Variants in TATDN1 observed in about 807,000 individuals in gnomAD.
TATDN1 encodes deoxyribonuclease TATDN1.
A neutral mutation model predicts 46.4 loss-of-function variants in TATDN1; 40 were observed. The observed-to-expected ratio is 0.86, with a 90% CI of 0.67 to 1.12. TATDN1 has a LOEUF of 1.12. Among genes scored for constraint, TATDN1 ranks in the 50% most tolerant of loss-of-function variants. The probability of loss-of-function intolerance (pLI) is 0.00; values close to 1 mark genes in which losing one functional copy is unlikely to be tolerated. For synonymous variants in TATDN1, 95 were observed against 105.6 expected, an observed-to-expected ratio of 0.90 and a Z score of 0.62; for missense variants, 326 against 348.4, an observed-to-expected ratio of 0.94 and a Z score of 0.51.
chr8:124,532,307 A>G (rs926331243), intron 1 of TATDN1, among the ~76,000 whole-genome samples: 1 of 152,200 alleles, frequency 6.6e-6, no homozygotes, highest in East Asian at 1.9e-4. Flanking sequence ...TTTCTGAGAC[A>G]GAGTCTCACT....
At chr8:124,513,394 TCA>T (rs569613086) in intron 6 of TATDN1, among the ~76,000 whole-genome samples, 195 of 152,354 alleles carry the variant, frequency 1.3e-3, no homozygotes, top group African/African-American at 4.5e-3. Flanking sequence ...CCTCTGCTGT[TCA>T]CATACTTTAG....
intron 10 of TATDN1, 167 bp from the exon 11 acceptor site, chr8:124,494,126 G>A (rs1441574729): frequency 3.5e-6 from 2 of 575,930 alleles, no homozygotes; most frequent in Non-Finnish European, 2.8e-6. Flanking sequence ...ATAAAATCTT[G>A]AATTGCATCT....
intron 4 of TATDN1, among the ~76,000 whole-genome samples, chr8:124,517,409 T>C (rs913500386): frequency 9.0e-5 from 12 of 132,962 alleles, no homozygotes; most frequent in African/African-American, 1.4e-4. Flanking sequence ...GCCTGGGTGA[T>C]AGAACAAGAC....
At chr8:124,493,765 G>C (rs151038199) in intron 11 of TATDN1, 68 bp downstream of exon 11, 1 of 1,520,882 alleles carries the variant, frequency 6.6e-7, no homozygotes, top group African/African-American at 1.4e-5. Context: ...TGTCCCTTGC[G>C]TTAATTTTAT....
At chr8:124,513,210 G>T (rs1819182698) in intron 6 of TATDN1, among the ~76,000 whole-genome samples, 1 of 152,084 alleles carries the variant, frequency 6.6e-6, no homozygotes. Context: ...ACCGCACCCG[G>T]CTGTTTTTTT....
chr8:124,527,321 A>C (rs1019499607), intron 1 of TATDN1, among the ~76,000 whole-genome samples: 1 of 152,228 alleles, frequency 6.6e-6, no homozygotes, highest in Non-Finnish European at 1.5e-5. Flanking sequence ...CAAAAGGTGC[A>C]CAGCCTGAGT....
chr8:124,500,403 A>C lies in TATDN1; in HGVS notation c.593+3868T>G, dbSNP rs576906467. The stretch of plus-strand genomic sequence containing the variant: ...CTAACATCCTAATGAACTCAAGATC[A>C]TTTAGAAATATCTAAGACAGGAGCC... On this transcript the variant is annotated intron_variant, in intron 9 of 11. Transcript: ENST00000276692. 1.2e-4 allele frequency among the ~76,000 whole-genome samples: 19 copies of C among 152,296 alleles called. 1 individual carries two copies. The highest frequency in any genetic ancestry group is 2.5e-4 in the Non-Finnish European group (17 of 68,030).
intron 1 of TATDN1, among the ~76,000 whole-genome samples, chr8:124,528,223 G>C (rs1820668057): frequency 6.6e-6 from 1 of 152,036 alleles, no homozygotes; most frequent in Non-Finnish European, 1.5e-5. Context: ...ACCCAGGCTG[G>C]AGTACAGTGG....
intron 11 of TATDN1, chr8:124,489,697 AGCCACCGC>A (rs1439382808): frequency 1.3e-5 from 2 of 152,296 alleles, no homozygotes; most frequent in Non-Finnish European, 2.9e-5. Context: ...TACAGGTGTG[AGCCACCGC>A]GCCTGGCCGC....
At position 124,506,433 on chromosome 8, in the gene TATDN1, T is replaced by C. The variant is rs967928659; in HGVS notation, c.516+2041A>G. On this transcript the variant is annotated intron_variant, in intron 8 of 11. Coordinates refer to ENST00000276692, the MANE Select transcript of TATDN1 (RefSeq NM_032026.4). ...TGAAGGTTAGGATAAATACCACTAA[T>C]AATCCCAACGGCATTAGTTAAAACT... Among the ~76,000 whole-genome samples, 3 of 150,650 alleles carry C rather than the reference T, an allele frequency of 2.0e-5. No homozygotes were observed. The South Asian group carries it at 6.3e-4, about 32-fold the overall frequency.
chr8:124,510,881 C>T (rs1818947680), intron 6 of TATDN1, among the ~76,000 whole-genome samples: 1 of 152,030 alleles, frequency 6.6e-6, no homozygotes, highest in Non-Finnish European at 1.5e-5. Flanking sequence ...CAGAATTTTA[C>T]ATAATTCAAG....
At chr8:124,529,842 A>T (rs1268670758) in intron 1 of TATDN1, among the ~76,000 whole-genome samples, 1 of 152,116 alleles carries the variant, frequency 6.6e-6, no homozygotes, top group African/African-American at 2.4e-5. Context: ...CTGTAATCCC[A>T]GCACTCTGGG....
At chr8:124,499,421 A>G (rs1817749278) in intron 9 of TATDN1, among the ~76,000 whole-genome samples, 1 of 152,190 alleles carries the variant, frequency 6.6e-6, no homozygotes, top group Non-Finnish European at 1.5e-5. Context: ...TATGACTGTA[A>G]AATTTGCCCA....
At chr8:124,498,504 AG>A (rs1019959764) in intron 9 of TATDN1, among the ~76,000 whole-genome samples, 2 of 142,962 alleles carry the variant, frequency 1.4e-5, no homozygotes, top group Non-Finnish European at 3.0e-5. Context: ...TTCTCTATAT[AG>A]GCCCTCAATT....
intron 1 of TATDN1, among the ~76,000 whole-genome samples, chr8:124,526,103 A>G (rs973618384): frequency 5.9e-5 from 9 of 152,224 alleles, no homozygotes; most frequent in African/African-American, 2.2e-4. Flanking sequence ...AACAATACAT[A>G]GCCAATCACT....
At chr8:124,512,732 C>T (rs1261612518) in intron 6 of TATDN1, among the ~76,000 whole-genome samples, 2 of 151,996 alleles carry the variant, frequency 1.3e-5, no homozygotes, top group East Asian at 1.9e-4. Context: ...CTGTCTGTTG[C>T]GGGGAGGAAG....
Position 124,488,696 on chromosome 8 carries a change from A to C in TATDN1, c.792T>G (p.Ile264Met), listed in dbSNP as rs1310250508. Residue 264 changes from isoleucine to methionine, a missense_variant and splice_region_variant, in exon 12 of 12, where the codon ATT (isoleucine) becomes ATG (methionine). Physicochemically the swap from Ile to Met is conservative, Grantham distance 10. Coordinates refer to ENST00000276692, the MANE Select transcript of TATDN1 (RefSeq NM_032026.4). ...LKDRNEPCHI[I>M]QILEIMSAVR... ...CTGCTGACATTATCTCCAATATTTG[A>C]CTAAAACAAAACAAAAACAAAAATG... The C allele has an allele frequency of 1.9e-6, 3 of 1,584,686 alleles. No individual in the cohort carries two copies. The highest frequency in any genetic ancestry group is 3.4e-5 in the Admixed American group (2 of 59,478).
intron 6 of TATDN1, among the ~76,000 whole-genome samples, chr8:124,509,146 A>C (rs1161542395): frequency 6.6e-6 from 1 of 152,252 alleles, no homozygotes; most frequent in Non-Finnish European, 1.5e-5. Flanking sequence ...CAAATAACTC[A>C]ATTATGCTAT....
chr8:124,514,955 T>C (rs1031096065), intron 6 of TATDN1, among the ~76,000 whole-genome samples: 1 of 152,216 alleles, frequency 6.6e-6, no homozygotes, highest in African/African-American at 2.4e-5. Flanking sequence ...TGTGGGTTTT[T>C]TCTTGCTGGT....
Sources: gnomAD v4.1 joint callset for allele counts (sites outside exome capture counted in the v4.1 genomes callset) on GRCh38, gnomAD v4.1.1 for gene constraint, MANE v1.5 for transcripts, NCBI Gene and HGNC (gene_info 2026-07-23, HGNC 2026-07-21) for gene names.